LRP5: variants seen among roughly 807,000 people sequenced by gnomAD.
LRP5 encodes the protein low-density lipoprotein receptor-related protein 5.
Under a neutral mutation model 154.1 loss-of-function variants are expected in LRP5, and 62 were observed. The observed-to-expected ratio is 0.40, with a 90% CI of 0.33 to 0.50. The LOEUF is 0.50. Among genes scored for constraint, LRP5 ranks in the 20% least tolerant of loss-of-function variants. LRP5 has a pLI of 0.55. For synonymous variants in LRP5, 966 were observed against 1,011.5 expected (o/e 0.96, Z 0.85); for missense variants, 1,915 against 2,336.7 (o/e 0.82, Z 3.72).
At chr11:68,403,879 A>G (rs946325544) in intron 8 of LRP5, 180 bp downstream of exon 8, 3 of 669,896 alleles carry the variant, frequency 4.5e-6, no homozygotes, top group Non-Finnish European at 7.6e-6. Flanking sequence ...GGAGCTGATT[A>G]GGGAGTGGTT....
At chr11:68,382,343 C>G (rs1792714096) in intron 5 of LRP5, among the ~76,000 whole-genome samples, 5 of 152,176 alleles carry the variant, frequency 3.3e-5, no homozygotes, top group Admixed American at 3.3e-4. Context: ...CCATTTGGGA[C>G]ACCCCGCCAG....
chr11:68,355,960 C>G (rs1417783598), intron 2 of LRP5, among the ~76,000 whole-genome samples: 1 of 152,100 alleles, frequency 6.6e-6, no homozygotes, highest in Non-Finnish European at 1.5e-5. Flanking sequence ...CTGCCTCAGC[C>G]TCCCGAGTAG....
chr11:68,433,967 T>C (rs2098673443), intron 18 of LRP5, 129 bp downstream of exon 18: 1 of 917,018 alleles, frequency 1.1e-6, no homozygotes, highest in Admixed American at 2.0e-5. Flanking sequence ...GATTGCCAAG[T>C]CTGTCTTTTA....
chr11:68,437,055 G>T, intron 19 of LRP5, 56 bp downstream of exon 19: 1 of 1,463,338 alleles, frequency 6.8e-7, no homozygotes. Flanking sequence ...CCCCAGGAAC[G>T]TGGAGTTTAG....
intron 17 of LRP5, among the ~76,000 whole-genome samples, chr11:68,430,848 C>T (rs1191087614): frequency 2.0e-5 from 3 of 152,190 alleles, no homozygotes; most frequent in Non-Finnish European, 4.4e-5. Context: ...GGGTTCAAAT[C>T]CTGGCTCTGT....
chr11:68,382,603 G>T (rs542287752), intron 5 of LRP5, among the ~76,000 whole-genome samples: 1 of 152,202 alleles, frequency 6.6e-6, no homozygotes, highest in East Asian at 1.9e-4. Flanking sequence ...CCCTAGCAGC[G>T]GGTCCAGGGC....
At chr11:68,318,944 C>T (rs2098595083) in intron 1 of LRP5, among the ~76,000 whole-genome samples, 2 of 152,334 alleles carry the variant, frequency 1.3e-5, no homozygotes, top group Non-Finnish European at 1.5e-5. Flanking sequence ...ATGGTCTCTT[C>T]TAGCACGGAG....
At chr11:68,425,543 A>G (rs961463497) in intron 15 of LRP5, among the ~76,000 whole-genome samples, 1 of 152,244 alleles carries the variant, frequency 6.6e-6, no homozygotes, top group African/African-American at 2.4e-5. Context: ...GAGATGGAGC[A>G]GGACTGCAGC....
intron 1 of LRP5, among the ~76,000 whole-genome samples, chr11:68,321,424 A>C (rs2098596720): frequency 2.6e-5 from 4 of 151,982 alleles, no homozygotes; most frequent in Non-Finnish European, 5.9e-5. Context: ...CCACCCTTTG[A>C]TCTCTTGATC....
At chr11:68,409,850 C>CAAA in intron 9 of LRP5, 64 bp from the exon 10 acceptor site, 117 of 1,126,584 alleles carry the variant, frequency 1.0e-4, no homozygotes, top group Admixed American at 1.2e-4. Context: ...AACTCCGTCT[C>CAAA]AAAAAAAAAA....
the LRP5 span, among the ~76,000 whole-genome samples, chr11:68,305,290 G>T: frequency 6.6e-6 from 1 of 151,810 alleles, no homozygotes; most frequent in African/African-American, 2.4e-5. Context: ...GCTGTGTGAT[G>T]CACCTGCTCT....
chr11:68,394,083 G>A (rs2098647857), intron 7 of LRP5, among the ~76,000 whole-genome samples: 1 of 152,192 alleles, frequency 6.6e-6, no homozygotes, highest in Admixed American at 6.5e-5. Context: ...TGTTGTGGAT[G>A]TAGCCCAGGG....
intron 1 of LRP5, among the ~76,000 whole-genome samples, chr11:68,313,118 G>T (rs953872900): frequency 3.1e-4 from 47 of 149,892 alleles, no homozygotes; most frequent in Admixed American, 6.6e-4. Flanking sequence ...GCCGAGCCGA[G>T]CCCGCGCTGG....
chr11:68,391,349 G>A (rs958327970), intron 7 of LRP5, among the ~76,000 whole-genome samples: 1 of 152,212 alleles, frequency 6.6e-6, no homozygotes, highest in Non-Finnish European at 1.5e-5. Context: ...CACCCATTGA[G>A]GTGACATTGG....
intron 2 of LRP5, among the ~76,000 whole-genome samples, chr11:68,354,832 G>A (rs2098621831): frequency 1.3e-5 from 2 of 152,222 alleles, no homozygotes; most frequent in Non-Finnish European, 2.9e-5. Context: ...TCCCTTTGTT[G>A]GTTGGGTTCT....
At chr11:68,351,560 G>A (rs2098618569) in intron 2 of LRP5, among the ~76,000 whole-genome samples, 1 of 152,118 alleles carries the variant, frequency 6.6e-6, no homozygotes, top group African/African-American at 2.4e-5. Context: ...TGGCCATCGT[G>A]TCGCCAGGAC....
At position 68,449,203 on chromosome 11, in the gene LRP5, GAT is replaced by G; in HGVS notation, c.*134_*135del. 1.1e-5 allele frequency: 4 copies of G among 360,088 alleles called. No individual in the cohort carries two copies. Among genetic ancestry groups the G allele is most frequent in the Non-Finnish European group, 1.5e-5 (3 of 197,688 alleles). The allele number at this position is 360,088 out of a possible 1,614,324, so 22.3% of individuals were successfully genotyped here. A position where few individuals can be genotyped will look rare whatever the true frequency, so the allele number is the denominator to read the frequency against. On this transcript the variant is annotated 3_prime_UTR_variant, in exon 23 of 23. Coordinates refer to ENST00000294304, the MANE Select transcript of LRP5 (RefSeq NM_002335.4). ...TAAAAACATGAGAAATGTGAACTGT[GAT>G]GGGGTGGGCAGGGCTGGGAGAACTT... is the stretch of plus-strand genomic sequence containing the variant.
intron 5 of LRP5, among the ~76,000 whole-genome samples, chr11:68,377,981 G>GGGGGCCACTGGACCTTTCCT (rs1488070324): frequency 2.0e-5 from 3 of 152,062 alleles, no homozygotes; most frequent in African/African-American, 7.2e-5. Flanking sequence ...GGGAGCCTCC[G>GGGGGCCACTGGACCTTTCCT]GGGGCCACTG....
chr11:68,440,231 C>T (rs902293983), intron 21 of LRP5, among the ~76,000 whole-genome samples: 1 of 152,252 alleles, frequency 6.6e-6, no homozygotes, highest in Non-Finnish European at 1.5e-5. Context: ...TCGATAGCCG[C>T]CTGCACCAGG....
Sources: allele counts gnomAD v4.1 joint callset (sites outside exome capture counted in the v4.1 genomes callset), GRCh38; gene constraint gnomAD v4.1.1; transcripts MANE v1.5; gene names NCBI Gene and HGNC (gene_info 2026-07-23, HGNC 2026-07-21).